PLCB1: variants seen among roughly 807,000 people sequenced by gnomAD.
PLCB1 encodes 1-phosphatidylinositol 4,5-bisphosphate phosphodiesterase beta-1.
Under a neutral mutation model 161.8 loss-of-function variants are expected in PLCB1, and 46 were observed. That is an observed-to-expected ratio of 0.28 (90% confidence interval 0.22 to 0.36). The LOEUF (loss-of-function observed/expected upper bound fraction) is 0.36, where lower values mean the gene tolerates loss of function less well. Ranked by LOEUF, PLCB1 falls within the 10% of genes least tolerant of loss-of-function variation. The pLI is 1.00. For synonymous variants in PLCB1, 517 were observed against 503.7 expected (o/e 1.03, Z -0.35); for missense variants, 1,016 against 1,472.5 (o/e 0.69, Z 5.07).
At chr20:8,447,306 G>A (rs1980877177) in intron 3 of PLCB1, among the ~76,000 whole-genome samples, 1 of 152,112 alleles carries the variant, frequency 6.6e-6, no homozygotes, top group Non-Finnish European at 1.5e-5. Flanking sequence ...TCTTCCTCCG[G>A]TGCTAGCTGT....
At chr20:8,258,791 T>G (rs1981549436) in intron 2 of PLCB1, among the ~76,000 whole-genome samples, 1 of 152,328 alleles carries the variant, frequency 6.6e-6, no homozygotes, top group East Asian at 1.9e-4. Flanking sequence ...TGTGGGTTTT[T>G]TTTTCTGTTT....
intron 26 of PLCB1, among the ~76,000 whole-genome samples, chr20:8,767,253 A>ACTGAGCTT (rs1982367223): frequency 6.6e-6 from 1 of 152,102 alleles, no homozygotes; most frequent in Admixed American, 6.5e-5. Flanking sequence ...TTCGGTAGGG[A>ACTGAGCTT]CTGAGCTTCT....
chr20:8,605,090 AC>A (rs1315473963), intron 3 of PLCB1, among the ~76,000 whole-genome samples: 2 of 152,176 alleles, frequency 1.3e-5, no homozygotes, highest in African/African-American at 4.8e-5. Flanking sequence ...TAGACATAAT[AC>A]ATTACTATAT....
At chr20:8,530,438 C>T (rs534541616) in intron 3 of PLCB1, among the ~76,000 whole-genome samples, 2 of 152,078 alleles carry the variant, frequency 1.3e-5, no homozygotes, top group South Asian at 4.1e-4. Context: ...TCCATTATTT[C>T]TCCTTTGATC....
chr20:8,452,688 C>T (rs898558894), intron 3 of PLCB1, among the ~76,000 whole-genome samples: 5 of 152,148 alleles, frequency 3.3e-5, no homozygotes, highest in Admixed American at 3.3e-4. Flanking sequence ...GCATTTGATT[C>T]TGTCCAAAGA....
At chr20:8,376,233 C>T (rs574598667) in intron 3 of PLCB1, among the ~76,000 whole-genome samples, 5 of 152,160 alleles carry the variant, frequency 3.3e-5, no homozygotes, top group African/African-American at 9.7e-5. Flanking sequence ...GCTGATCTGA[C>T]AACTAGTTTA....
At chr20:8,492,281 C>T (rs1033822857) in intron 3 of PLCB1, among the ~76,000 whole-genome samples, 3 of 151,966 alleles carry the variant, frequency 2.0e-5, no homozygotes, top group African/African-American at 7.3e-5. Context: ...TTGAAAATAG[C>T]CCTTCTGACT....
intron 23 of PLCB1, among the ~76,000 whole-genome samples, chr20:8,742,626 A>G (rs963410232): frequency 1.3e-5 from 2 of 152,192 alleles, no homozygotes; most frequent in African/African-American, 4.8e-5. Flanking sequence ...ACTCTTTCAT[A>G]AAATGGGATA....
chr20:8,455,543 C>T (rs974717959), intron 3 of PLCB1, among the ~76,000 whole-genome samples: 13 of 147,066 alleles, frequency 8.8e-5, no homozygotes, highest in Admixed American at 5.5e-4. Context: ...TGGGTTCACG[C>T]CATTCTCCTG....
At chr20:8,686,094 G>A (rs1990352010) in intron 10 of PLCB1, among the ~76,000 whole-genome samples, 1 of 152,102 alleles carries the variant, frequency 6.6e-6, no homozygotes, top group African/African-American at 2.4e-5. Flanking sequence ...GTGATAATTT[G>A]CAACAATTGG....
intron 3 of PLCB1, among the ~76,000 whole-genome samples, chr20:8,517,691 A>T (rs1425550405): frequency 6.6e-6 from 1 of 152,156 alleles, no homozygotes; most frequent in Non-Finnish European, 1.5e-5. Flanking sequence ...CGGGGCTCAG[A>T]TGTTCCTCAT....
chr20:8,503,710 G>A (rs1378512538), intron 3 of PLCB1, among the ~76,000 whole-genome samples: 1 of 152,038 alleles, frequency 6.6e-6, no homozygotes, highest in South Asian at 2.1e-4. Flanking sequence ...TGGATGTTAG[G>A]ATCTGGGCTA....
chr20:8,648,544 A>G (rs554835197), intron 6 of PLCB1, among the ~76,000 whole-genome samples: 1 of 152,312 alleles, frequency 6.6e-6, no homozygotes, highest in South Asian at 2.1e-4. Flanking sequence ...CTTAAGTTCT[A>G]TTTTTAAATC....
At chr20:8,385,853 C>T (rs708922) in intron 3 of PLCB1, among the ~76,000 whole-genome samples, 64,657 of 152,020 alleles carry the variant, frequency 0.43, 13,914 homozygotes, top group South Asian at 0.51. Flanking sequence ...TCGTCAGTTC[C>T]GATGAGAGAA....
At chr20:8,295,968 C>T (rs1335796382) in intron 2 of PLCB1, among the ~76,000 whole-genome samples, 1 of 152,050 alleles carries the variant, frequency 6.6e-6, no homozygotes, top group African/African-American at 2.4e-5. Flanking sequence ...CCACCTCTAC[C>T]TCCTCCAAGT....
At chr20:8,540,453 G>C (rs1344311773) in intron 3 of PLCB1, among the ~76,000 whole-genome samples, 1 of 152,008 alleles carries the variant, frequency 6.6e-6, no homozygotes, top group Non-Finnish European at 1.5e-5. Context: ...GCATATTTTA[G>C]AAGACAGAAA....
intron 3 of PLCB1, among the ~76,000 whole-genome samples, chr20:8,425,653 T>C (rs944041885): frequency 6.6e-6 from 1 of 152,152 alleles, no homozygotes; most frequent in Non-Finnish European, 1.5e-5. Context: ...AAAAAAATCA[T>C]GTTATCTTCC....
chr20:8,371,713 G>A (rs759421333), intron 3 of PLCB1: 4 of 361,364 alleles, frequency 1.1e-5, no homozygotes, highest in Middle Eastern at 1.5e-3. Flanking sequence ...CAATGCCCAA[G>A]TTACTGGGTA....
At chr20:8,787,561 G>A (rs1038422216) in intron 27 of PLCB1, among the ~76,000 whole-genome samples, 9 of 152,228 alleles carry the variant, frequency 5.9e-5, no homozygotes, top group Non-Finnish European at 5.9e-5. Context: ...GGGTGCTCCA[G>A]TAAGAAGGGT....
Sources: gnomAD v4.1 joint callset for allele counts (sites outside exome capture counted in the v4.1 genomes callset) on GRCh38, gnomAD v4.1.1 for gene constraint, MANE v1.5 for transcripts, NCBI Gene and HGNC (gene_info 2026-07-23, HGNC 2026-07-21) for gene names.